The following FANK1 variants were observed in gnomAD, a reference collection of about 807,000 sequenced individuals.
The protein encoded by FANK1 is fibronectin type III and ankyrin repeat domains 1.
FANK1 carries 44 observed loss-of-function variants against 45.3 expected under a neutral mutation model. That is an observed-to-expected ratio of 0.97 (90% CI 0.76 to 1.25). FANK1 has a LOEUF of 1.25. Among genes scored for constraint, FANK1 ranks in the 50% most tolerant of loss-of-function variants. The pLI is 0.00. For missense variants in FANK1, 391 were observed against 424.4 expected, an observed-to-expected ratio of 0.92 and a Z score of 0.69; for synonymous variants, 149 against 152.5, an observed-to-expected ratio of 0.98 and a Z score of 0.17.
At chr10:125,937,446 C>T (rs1265770829) in intron 1 of FANK1, among the ~76,000 whole-genome samples, 1 of 152,188 alleles carries the variant, frequency 6.6e-6, no homozygotes, top group African/African-American at 2.4e-5. Flanking sequence ...GATTCTGCTT[C>T]ACAACTTGTT....
intron 1 of FANK1, among the ~76,000 whole-genome samples, chr10:125,928,131 A>C (rs1034163348): frequency 8.5e-5 from 13 of 152,168 alleles, no homozygotes; most frequent in Admixed American, 3.3e-4. Context: ...AAGTGATAGC[A>C]GGTTTATTAA....
At position 126,001,549 on chromosome 10, in the gene FANK1, G is replaced by A. The variant is rs544116846; in HGVS notation, c.540-3335G>A. On this transcript the variant is annotated intron_variant, in intron 6 of 10. Coordinates refer to ENST00000368693, the MANE Select transcript of FANK1 (RefSeq NM_145235.5). ...ACAGTGGGATGCCCTGCAGGGCTGT[G>A]CTCAGGAGTGTGCTATGTCCTGGCC... Among the ~76,000 whole-genome samples, 46 of 152,306 alleles carry A rather than the reference G, an allele frequency of 3.0e-4. 1 individual carries two copies. The highest frequency in any genetic ancestry group is 1.1e-3 in the African/African-American group (44 of 41,568).
At position 125,989,386 on chromosome 10, in the gene FANK1, A is replaced by C. The variant is rs912539517; in HGVS notation, c.316+711A>C. ...AGTAATTTTTCAGTTGCACAAAGGAAACCTTCCTTTTGTGAGTAAAGCTCT... is the reference window on the plus strand; with the variant it reads ...AGTAATTTTTCAGTTGCACAAAGGACACCTTCCTTTTGTGAGTAAAGCTCT... On this transcript the variant is annotated intron_variant, in intron 3 of 10. Coordinates refer to ENST00000368693, the MANE Select transcript of FANK1 (RefSeq NM_145235.5). The C allele has an allele frequency of 7.8e-6, 12 of 1,546,852 alleles. No homozygotes were observed. The East Asian group carries it at 2.7e-4, about 35-fold the overall frequency.
intron 1 of FANK1, among the ~76,000 whole-genome samples, chr10:125,936,955 T>C (rs1217026379): frequency 6.6e-6 from 1 of 151,952 alleles, no homozygotes; most frequent in Non-Finnish European, 1.5e-5. Context: ...TAATCCCAGC[T>C]ACTCCGGAGG....
Position 126,009,574 on chromosome 10 carries a change from A to T in FANK1, c.*136A>T, listed in dbSNP as rs1263725915. 6 of 906,084 alleles carry T rather than the reference A, an allele frequency of 6.6e-6. No individual in the cohort carries two copies. In the East Asian group the frequency reaches 1.3e-4, roughly 20 times the overall value. 56.1% of individuals were successfully genotyped at this position (906,084 alleles called of 1,614,324 possible). The stretch of plus-strand genomic sequence containing the variant: ...TGAAGATTCACTGATCCCACTTTGA[A>T]ATACATCTTTTTACCTAAGCATGTG... On this transcript the variant is annotated 3_prime_UTR_variant, in exon 11 of 11. Transcript: ENST00000368693.
chr10:125,903,734 C>T (rs1289003891), intron 1 of FANK1, among the ~76,000 whole-genome samples: 1 of 151,944 alleles, frequency 6.6e-6, no homozygotes, highest in Non-Finnish European at 1.5e-5. Flanking sequence ...TACTTTGGTT[C>T]TCTACTGAAG....
In FANK1 at chr10:125,916,959, AC is replaced by A. The variant is rs1250421908; in HGVS notation, c.13+20305del. Among the ~76,000 whole-genome samples, 5 of 152,192 alleles carry A rather than the reference AC, an allele frequency of 3.3e-5. No individual in the cohort carries two copies. In the East Asian group the frequency reaches 5.8e-4, roughly 18 times the overall value. On this transcript the variant is annotated intron_variant, in intron 1 of 10. Transcript: ENST00000368693. Reference sequence around the variant, plus strand: ...TAACGCTGAATCGAATCTGAATGATACGTCCTGCTGTTCCTCCCAGTTTACT... The same window carrying A: ...TAACGCTGAATCGAATCTGAATGATAGTCCTGCTGTTCCTCCCAGTTTACT...
At position 125,908,708 on chromosome 10, in the gene FANK1, T is replaced by C. The variant is rs555464450; in HGVS notation, c.13+12053T>C. Among the ~76,000 whole-genome samples the C allele has an allele frequency of 8.6e-5, 13 of 151,978 alleles. No homozygotes were observed. In the East Asian group the frequency reaches 2.5e-3, roughly 30 times the overall value. On this transcript the variant is annotated intron_variant, in intron 1 of 10. Transcript: ENST00000368693. ...CAGAAATCACCACTAAAGAACTTAC[T>C]CATGTAACCAAACACCATCTGTTCC...
chr10:125,938,844 G>C (rs906850833), intron 1 of FANK1, among the ~76,000 whole-genome samples: 4 of 152,018 alleles, frequency 2.6e-5, no homozygotes, highest in African/African-American at 9.7e-5. Context: ...TCTAGGGAGT[G>C]GTAAAAGTAT....
chr10:125,898,957 C>T (rs1269416271), intron 1 of FANK1, among the ~76,000 whole-genome samples: 2 of 147,170 alleles, frequency 1.4e-5, no homozygotes, highest in African/African-American at 2.5e-5. Flanking sequence ...TATAGTGGTG[C>T]GATCATAGCT....
rs998330085 is a variant in FANK1, at chr10:125,934,733, T to G, written c.13+38078T>G. 3.6e-4 allele frequency among the ~76,000 whole-genome samples: 29 copies of G among 79,990 alleles called. 1 individual carries two copies. The highest frequency in any genetic ancestry group is 1.8e-3 in the African/African-American group (29 of 15,992). The allele number at this position is 79,990 out of a possible 152,430, so 52.5% of individuals were successfully genotyped here. ...CACCTGTACCCCTACCGTTTTTTTT[T>G]TTTTTTTTTTTTTTTTTTTTTTTTT... is the stretch of plus-strand genomic sequence containing the variant. On this transcript the variant is annotated intron_variant, in intron 1 of 10. Coordinates refer to ENST00000368693, the MANE Select transcript of FANK1 (RefSeq NM_145235.5).
At chr10:125,911,148 A>G (rs1189659425) in intron 1 of FANK1, among the ~76,000 whole-genome samples, 9 of 152,178 alleles carry the variant, frequency 5.9e-5, no homozygotes, top group Non-Finnish European at 1.3e-4. Flanking sequence ...AGGAGCGTGT[A>G]TCATCCAGGT....
At chr10:125,974,860 TTTTTA>T (rs1470066287) in intron 1 of FANK1, 2 of 152,212 alleles carry the variant, frequency 1.3e-5, no homozygotes, top group African/African-American at 4.8e-5. Flanking sequence ...ATTTTTTTAA[TTTTTA>T]TTTTAGGTTT....
chr10:126,002,173 A>G (rs147824638), intron 6 of FANK1, among the ~76,000 whole-genome samples: 1 of 151,896 alleles, frequency 6.6e-6, no homozygotes, highest in African/African-American at 2.4e-5. Context: ...TTAGCCGAGC[A>G]TGGTGTTGTA....
chr10:125,967,572 A>G (rs1012280094), intron 1 of FANK1, among the ~76,000 whole-genome samples: 6 of 152,302 alleles, frequency 3.9e-5, no homozygotes, highest in African/African-American at 9.6e-5. Context: ...TTGCTATACT[A>G]TTCGTTCTAC....
chr10:125,967,140 T>C (rs772576692), intron 1 of FANK1, among the ~76,000 whole-genome samples: 1 of 152,162 alleles, frequency 6.6e-6, no homozygotes, highest in Non-Finnish European at 1.5e-5. Context: ...GTCAGTGGTA[T>C]TAAAGTGTTC....
intron 1 of FANK1, among the ~76,000 whole-genome samples, chr10:125,950,837 C>A (rs1227685194): frequency 1.4e-5 from 2 of 147,406 alleles, no homozygotes; most frequent in Admixed American, 1.4e-4. Context: ...AGACTTGGAA[C>A]CAACCCAAAT....
chr10:125,938,897 G>A lies in FANK1; in HGVS notation c.14-41264G>A, dbSNP rs369510516. On this transcript the variant is annotated intron_variant, in intron 1 of 10. Coordinates refer to ENST00000368693, the MANE Select transcript of FANK1 (RefSeq NM_145235.5). ...GGTCTCCCACTAGCCAAATTTGGAA[G>A]CATTTGAGCATCAAAAAGAATAATG... 3.0e-4 allele frequency among the ~76,000 whole-genome samples: 45 copies of A among 152,242 alleles called. No homozygotes were observed. In the South Asian group the frequency reaches 8.9e-3, roughly 30 times the overall value.
At chr10:125,905,130 C>CAAAAAAAA (rs11289535) in intron 1 of FANK1, among the ~76,000 whole-genome samples, 10 of 68,130 alleles carry the variant, frequency 1.5e-4, no homozygotes, top group African/African-American at 2.6e-4. Flanking sequence ...GACTCTGTCC[C>CAAAAAAAA]AAAAAAAAAA....
Sources: gnomAD v4.1 joint callset for allele counts (sites outside exome capture counted in the v4.1 genomes callset) on GRCh38, gnomAD v4.1.1 for gene constraint, MANE v1.5 for transcripts, NCBI Gene and HGNC (gene_info 2026-07-23, HGNC 2026-07-21) for gene names.